The following ATP11B variants were observed in gnomAD, a reference collection of about 807,000 sequenced individuals.
ATP11B encodes the protein phospholipid-transporting ATPase IF.
Under a neutral mutation model 157.8 loss-of-function variants are expected in ATP11B, and 81 were observed. That is an observed-to-expected ratio of 0.51 (90% CI 0.43 to 0.62). The LOEUF is 0.62. Ranked by LOEUF, ATP11B falls within the 20% of genes least tolerant of loss-of-function variation. The probability of loss-of-function intolerance (pLI) is 0.00; values close to 1 mark genes in which losing one functional copy is unlikely to be tolerated. For missense variants in ATP11B, 1,165 were observed against 1,402.2 expected, an observed-to-expected ratio of 0.83 and a Z score of 2.70; for synonymous variants, 451 against 469.4, an observed-to-expected ratio of 0.96 and a Z score of 0.51.
At chr3:182,886,061 A>G (rs1722774484) in intron 23 of ATP11B, 51 bp downstream of exon 23, 3 of 1,218,808 alleles carry the variant, frequency 2.5e-6, no homozygotes, top group Non-Finnish European at 3.3e-6. Context: ...AGAGTAACGT[A>G]TGTATGTTCA....
At chr3:182,817,035 A>G (rs1278712924) in intron 1 of ATP11B, among the ~76,000 whole-genome samples, 1 of 152,224 alleles carries the variant, frequency 6.6e-6, no homozygotes, top group Non-Finnish European at 1.5e-5. Context: ...ATGAAAGAAA[A>G]TAACACACGT....
chr3:182,802,061 A>G lies in ATP11B; in HGVS notation c.27+8275A>G, dbSNP rs560376247. On this transcript the variant is annotated intron_variant, in intron 1 of 29. Transcript: ENST00000323116. ...CCATAAATATACAGAATTTTTGTCA[A>G]TTTTTTAAAAAATGCATTTTAAAAA... Among the ~76,000 whole-genome samples, 8 of 152,310 alleles carry G rather than the reference A, an allele frequency of 5.3e-5. No individual in the cohort carries two copies. In the East Asian group the frequency reaches 9.6e-4, roughly 18 times the overall value.
intron 10 of ATP11B, among the ~76,000 whole-genome samples, chr3:182,851,120 C>G (rs1719942856): frequency 6.6e-6 from 1 of 152,084 alleles, no homozygotes; most frequent in Non-Finnish European, 1.5e-5. Context: ...TGGCAAAACC[C>G]TGTCTCTACT....
At chr3:182,861,681 T>C (rs1369090534) in intron 12 of ATP11B, among the ~76,000 whole-genome samples, 1 of 152,230 alleles carries the variant, frequency 6.6e-6, no homozygotes, top group Non-Finnish European at 1.5e-5. Flanking sequence ...TTGTCTCTTA[T>C]TGTATCAGTT....
chr3:182,873,867 G>A lies in ATP11B; in HGVS notation c.2104G>A (p.Val702Ile), dbSNP rs369790527. The change falls in exon 19 of 30, where the codon GTA becomes ATA. Residue 702 changes from valine to isoleucine, a missense_variant. Around this residue, in one of 4 missense-constraint regions of ATP11B, gnomAD observed 737 missense variants for 930.5 expected, o/e 0.79. Transcript: ENST00000323116. ...AGCATTGAGAATGGCTGGTATCAAAGTATGGGTACTTACTGGGGATAAACA... is the reference window on the plus strand; with the variant it reads ...AGCATTGAGAATGGCTGGTATCAAAATATGGGTACTTACTGGGGATAAACA... ...IEALRMAGIK[V>I]WVLTGDKHET... 3.7e-6 allele frequency: 6 copies of A among 1,614,036 alleles called. No homozygotes were observed. The highest frequency in any genetic ancestry group is 5.1e-6 in the Non-Finnish European group (6 of 1,180,016).
intron 10 of ATP11B, among the ~76,000 whole-genome samples, chr3:182,857,540 A>T (rs1720496108): frequency 6.8e-6 from 1 of 146,826 alleles, no homozygotes; most frequent in Non-Finnish European, 1.5e-5. Context: ...TAGCTATTAC[A>T]CTTAAGGTGG....
At chr3:182,855,839 T>C (rs556757242) in intron 10 of ATP11B, among the ~76,000 whole-genome samples, 79 of 152,208 alleles carry the variant, frequency 5.2e-4, no homozygotes, top group African/African-American at 1.9e-3. Context: ...TAGAACCACA[T>C]TGGGATATCA....
intron 28 of ATP11B, among the ~76,000 whole-genome samples, chr3:182,905,208 A>G (rs1365962237): frequency 6.6e-6 from 1 of 152,250 alleles, no homozygotes; most frequent in Non-Finnish European, 1.5e-5. Flanking sequence ...AAGATTTAAA[A>G]TAAAGATGGC....
At chr3:182,860,936 G>T (rs1720783393) in intron 12 of ATP11B, among the ~76,000 whole-genome samples, 1 of 151,914 alleles carries the variant, frequency 6.6e-6, no homozygotes, top group South Asian at 2.1e-4. Flanking sequence ...GCATTTTCCA[G>T]AACAGCCAGT....
chr3:182,867,540 C>A, intron 15 of ATP11B, 96 bp downstream of exon 15: 2 of 582,102 alleles, frequency 3.4e-6, no homozygotes, highest in Non-Finnish European at 5.7e-6. Context: ...CAAATGTGGC[C>A]TATATTTTCT....
chr3:182,861,229 C>A (rs1333595952), intron 12 of ATP11B, among the ~76,000 whole-genome samples: 2 of 151,964 alleles, frequency 1.3e-5, no homozygotes, highest in Admixed American at 6.6e-5. Context: ...CCACGCCCGG[C>A]TAATTTTGTA....
chr3:182,917,368 A>AT, intron 29 of ATP11B: 3 of 985,382 alleles, frequency 3.0e-6, no homozygotes, highest in Non-Finnish European at 3.6e-6. Context: ...ACTCAAGCTA[A>AT]TTTAAGTTTA....
At chr3:182,915,667 A>G (rs957754948) in intron 29 of ATP11B, 37 of 970,676 alleles carry the variant, frequency 3.8e-5, no homozygotes, top group African/African-American at 3.5e-5. Flanking sequence ...TTTTTCTGCT[A>G]TATACATATA....
intron 18 of ATP11B, among the ~76,000 whole-genome samples, chr3:182,873,122 A>G (rs1034926076): frequency 1.3e-5 from 2 of 152,084 alleles, no homozygotes; most frequent in Non-Finnish European, 2.9e-5. Flanking sequence ...CTATATTATA[A>G]TTATTTGTTT....
chr3:182,914,236 T>A, intron 29 of ATP11B: 1 of 1,285,416 alleles, frequency 7.8e-7, no homozygotes, highest in Non-Finnish European at 9.8e-7. Flanking sequence ...AACAAAAAAT[T>A]TTGTTTCATA....
intron 3 of ATP11B, 138 bp from the exon 4 acceptor site, chr3:182,829,534 A>G: frequency 3.0e-6 from 2 of 656,990 alleles, no homozygotes; most frequent in Middle Eastern, 4.1e-4. Context: ...TTCCAACCCC[A>G]CATAATAGCC....
At chr3:182,880,427 A>G (rs998423292) in intron 20 of ATP11B, among the ~76,000 whole-genome samples, 1 of 152,192 alleles carries the variant, frequency 6.6e-6, no homozygotes, top group East Asian at 1.9e-4. Context: ...AGAATTCCAA[A>G]GAAATATTTC....
At chr3:182,911,245 T>TC (rs1320608097) in intron 28 of ATP11B, among the ~76,000 whole-genome samples, 7 of 91,082 alleles carry the variant, frequency 7.7e-5, no homozygotes, top group African/African-American at 1.7e-4. Context: ...GAATATCTTT[T>TC]CCCCCCCATC....
intron 1 of ATP11B, among the ~76,000 whole-genome samples, chr3:182,811,633 G>A (rs1185377065): frequency 1.3e-5 from 2 of 152,108 alleles, no homozygotes; most frequent in African/African-American, 4.8e-5. Flanking sequence ...TATGAGAATA[G>A]CAACCAATCG....
Sources: allele counts gnomAD v4.1 joint callset (sites outside exome capture counted in the v4.1 genomes callset), GRCh38; gene constraint gnomAD v4.1.1; regional missense constraint gnomAD v4.1.1; transcripts MANE v1.5; gene names NCBI Gene and HGNC (gene_info 2026-07-23, HGNC 2026-07-21).